PLA2G7: variants seen among roughly 807,000 people sequenced by gnomAD.
The protein encoded by PLA2G7 is platelet-activating factor acetylhydrolase.
In PLA2G7, 63 loss-of-function variants were observed where a neutral mutation model predicts 49.6. The ratio of observed to expected loss-of-function variants is 1.27; its 90% CI spans 1.04 to 1.57. The LOEUF (loss-of-function observed/expected upper bound fraction) is 1.57. Among genes scored for constraint, PLA2G7 ranks in the 40% most tolerant of loss-of-function variants. PLA2G7 has a pLI of 0.00. For missense variants in PLA2G7, 596 were observed against 521.2 expected, an observed-to-expected ratio of 1.14 and a Z score of -1.40; for synonymous variants, 193 against 169.9, an observed-to-expected ratio of 1.14 and a Z score of -1.06.
At chr6:46,709,203 G>A in intron 9 of PLA2G7, 124 bp downstream of exon 9, 1 of 669,330 alleles carries the variant, frequency 1.5e-6, no homozygotes, top group Middle Eastern at 4.1e-4. Context: ...GGGGGCAAAA[G>A]AATAGCCTTA....
At chr6:46,712,522 G>A (rs974805667) in intron 5 of PLA2G7, among the ~76,000 whole-genome samples, 185 bp from the exon 6 acceptor site, 19 of 152,092 alleles carry the variant, frequency 1.2e-4, no homozygotes, top group African/African-American at 3.4e-4. Context: ...AATGTCTGGA[G>A]GTATTTTCAT....
intron 11 of PLA2G7, 102 bp from the exon 12 acceptor site, chr6:46,704,798 C>T (rs1764750162): frequency 1.2e-5 from 9 of 752,730 alleles, no homozygotes; most frequent in Admixed American, 2.1e-5. Flanking sequence ...ACACAAGTTC[C>T]GTTAGGATGG....
At chr6:46,707,914 T>A (rs1310688763) in intron 10 of PLA2G7, 77 bp downstream of exon 10, 1 of 889,388 alleles carries the variant, frequency 1.1e-6, no homozygotes, top group Non-Finnish European at 1.8e-6. Flanking sequence ...TCTTTAATAG[T>A]TACCAAATGA....
At chr6:46,717,426 A>G (rs574692170) in intron 2 of PLA2G7, among the ~76,000 whole-genome samples, 57 of 152,326 alleles carry the variant, frequency 3.7e-4, no homozygotes, top group African/African-American at 1.3e-3. Context: ...TTTCCTAAAC[A>G]TGAACTTTAT....
In PLA2G7 at chr6:46,711,628, C is replaced by A; in HGVS notation, c.540-9G>T. ...CAGATGCAGATCTATCTCTATAATA[C>A]AAGCAAAATTATTATTTATGCATGC... On this transcript the variant is annotated splice_polypyrimidine_tract_variant and intron_variant, in intron 6 of 11. Coordinates refer to ENST00000274793, the MANE Select transcript of PLA2G7 (RefSeq NM_005084.4). 1.2e-6 allele frequency: 2 copies of A among 1,613,236 alleles called. No individual in the cohort carries two copies. Among genetic ancestry groups the A allele is most frequent in the Non-Finnish European group, 8.5e-7 (1 of 1,179,306 alleles).
chr6:46,734,611 A>G (rs918300), intron 1 of PLA2G7, among the ~76,000 whole-genome samples: 21,427 of 151,892 alleles, frequency 0.14, 1,833 homozygotes, highest in Middle Eastern at 0.23. Context: ...TCACGAGGTC[A>G]GGAGATCGAG....
At chr6:46,715,633 G>A (rs560594233) in intron 4 of PLA2G7, among the ~76,000 whole-genome samples, 2 of 152,318 alleles carry the variant, frequency 1.3e-5, no homozygotes, top group Non-Finnish European at 2.9e-5. Context: ...AAGACTGAAT[G>A]TGATGATTGC....
chr6:46,724,766 G>T (rs1193017895), intron 1 of PLA2G7, among the ~76,000 whole-genome samples: 1 of 152,206 alleles, frequency 6.6e-6, no homozygotes, highest in Non-Finnish European at 1.5e-5. Context: ...AAGAGCCCCT[G>T]CCAATTCAAA....
chr6:46,734,986 C>T (rs1765874667), intron 1 of PLA2G7, among the ~76,000 whole-genome samples, 194 bp downstream of exon 1: 1 of 152,182 alleles, frequency 6.6e-6, no homozygotes. Flanking sequence ...ATACCGTCAT[C>T]CTCTCCCTCT....
In PLA2G7 at chr6:46,711,552, A is replaced by G; in HGVS notation, c.607T>C (p.Trp203Arg). The G allele has an allele frequency of 6.2e-7, 1 of 1,613,784 alleles. No individual in the cohort carries two copies. The highest frequency in any genetic ancestry group is 8.5e-7 in the Non-Finnish European group (1 of 1,179,684). Residue 203 changes from tryptophan to arginine, a missense_variant, in exon 7 of 12, where the codon TGG becomes CGG. Transcript: ENST00000274793. ...QSAAEIGDKS[W>R]LYLRTLKQEE... ...TGTTTCAGGGTTCTAAGGTAGAGCC[A>G]AGACTTGTCCCCTATTTCTGCAGCA...
chr6:46,716,610 T>A (rs1340634449), intron 3 of PLA2G7, 82 bp from the exon 4 acceptor site: 1 of 1,418,262 alleles, frequency 7.1e-7, no homozygotes, highest in South Asian at 1.2e-5. Flanking sequence ...ATTTAATTAG[T>A]GGGGACTCAA....
chr6:46,714,513 C>T lies in PLA2G7; in HGVS notation c.417G>A (p.Arg139=). The change falls in exon 5 of 12, where the codon AGG becomes AGA. Residue 139 remains arginine, a synonymous_variant. Transcript: ENST00000274793. ...CAACAAGTGGATATTTTTCACCAGG[C>T]CTCAGAGGGGAATTCCAGTTTGCAG... ...TTPANWNSPL[R]PGEKYPLVVF... is the part of the protein sequence containing the mutation. The T allele has an allele frequency of 6.2e-7, 1 of 1,612,632 alleles. No individual in the cohort carries two copies. The highest frequency in any genetic ancestry group is 8.5e-7 in the Non-Finnish European group (1 of 1,178,942).
At chr6:46,724,540 T>C (rs1765513065) in intron 1 of PLA2G7, among the ~76,000 whole-genome samples, 1 of 152,260 alleles carries the variant, frequency 6.6e-6, no homozygotes, top group African/African-American at 2.4e-5. Flanking sequence ...TGAACATCTA[T>C]GTGCTTCCCT....
chr6:46,726,931 C>A (rs1470678187), intron 1 of PLA2G7, among the ~76,000 whole-genome samples: 1 of 152,016 alleles, frequency 6.6e-6, no homozygotes, highest in East Asian at 1.9e-4. Flanking sequence ...CATGAGCCAC[C>A]AACATTCTAA....
chr6:46,734,382 AGAGT>A (rs1160858684), intron 1 of PLA2G7, among the ~76,000 whole-genome samples: 2 of 134,488 alleles, frequency 1.5e-5, no homozygotes, highest in African/African-American at 2.6e-5. Context: ...GAGAGGAGGC[AGAGT>A]GAGAGGTGTG....
chr6:46,728,159 T>G lies in PLA2G7; in HGVS notation c.-34-5234A>C, dbSNP rs185609508. Among the ~76,000 whole-genome samples the G allele has an allele frequency of 3.7e-4, 57 of 152,350 alleles. 1 individual carries two copies. Among genetic ancestry groups the G allele is most frequent in the Admixed American group, 3.7e-3 (56 of 15,308 alleles). ...CACACCAAATGATTGCTGAAGAAGA[T>G]AAAATCTTCTTTGGATATTTTACAA... On this transcript the variant is annotated intron_variant, in intron 1 of 11. Transcript: ENST00000274793.
At position 46,709,389 on chromosome 6, in the gene PLA2G7, T is replaced by A; in HGVS notation, c.807A>T (p.Val269=). The A allele has an allele frequency of 1.2e-6, 2 of 1,604,912 alleles. No homozygotes were observed. The highest frequency in any genetic ancestry group is 1.7e-6 in the Non-Finnish European group (2 of 1,172,064). ...KDSIDREKIA[V]IGHSFGGATV... ...TTGCTCCACCAAAAGAATGTCCAAT[T>A]ACTGCTATTTTTTCCCTATCAATAG... Residue 269 remains valine (V), a synonymous_variant, in exon 9 of 12, where the codon GTA becomes GTT. Coordinates refer to ENST00000274793, the MANE Select transcript of PLA2G7 (RefSeq NM_005084.4).
intron 2 of PLA2G7, among the ~76,000 whole-genome samples, chr6:46,720,797 T>C (rs1023063350): frequency 6.6e-6 from 1 of 152,232 alleles, no homozygotes; most frequent in Admixed American, 6.5e-5. Context: ...ATTTGTCAAA[T>C]ATTCCTGATG....
At position 46,708,069 on chromosome 6, in the gene PLA2G7, T is replaced by C. The variant is rs746660391; in HGVS notation, c.962A>G (p.Tyr321Cys). The C allele has an allele frequency of 6.3e-7, 1 of 1,598,614 alleles. No individual in the cohort carries two copies. Among genetic ancestry groups the C allele is most frequent in the South Asian group, 1.1e-5 (1 of 90,746 alleles). Residue 321 changes from tyrosine (Y) to cysteine (C), a missense_variant, in exon 10 of 12, where the codon TAT (tyrosine) becomes TGT (cysteine). Transcript: ENST00000274793. ...TATGATATTAGCAGGATATTGGAAA[T>C]ATTCAGAGTTGATAAAAAAGAGGGG... ...PQPLFFINSE[Y>C]FQYPANIIKM...
Sources: allele counts gnomAD v4.1 joint callset (sites outside exome capture counted in the v4.1 genomes callset), GRCh38; gene constraint gnomAD v4.1.1; transcripts MANE v1.5; gene names NCBI Gene and HGNC (gene_info 2026-07-23, HGNC 2026-07-21).